The following MPHOSPH6 variants were observed in gnomAD, a reference collection of about 807,000 sequenced individuals.
MPHOSPH6 encodes the protein M-phase phosphoprotein 6.
MPHOSPH6 carries 25 observed loss-of-function variants against 21.8 expected under a neutral mutation model. The ratio of observed to expected loss-of-function variants is 1.15; its 90% confidence interval spans 0.83 to 1.60. The LOEUF (loss-of-function observed/expected upper bound fraction) is 1.60. MPHOSPH6 is among the 40% of genes most tolerant of loss of function. The pLI is 0.00. For missense variants in MPHOSPH6, 269 were observed against 181.8 expected, an observed-to-expected ratio of 1.48 and a Z score of -2.76; for synonymous variants, 84 against 56.5, an observed-to-expected ratio of 1.49 and a Z score of -2.18.
intron 3 of MPHOSPH6, 58 bp from the exon 4 acceptor site, chr16:82,149,461 T>C (rs767966991): frequency 7.6e-6 from 11 of 1,452,180 alleles, no homozygotes; most frequent in Middle Eastern, 1.7e-4. Flanking sequence ...AAGGAACTGA[T>C]GTCAAACTTA....
In MPHOSPH6 at chr16:82,148,812, GTC is replaced by G. The variant is rs750504885; in HGVS notation, c.400_401del (p.Asp134ProfsTer5). The stretch of plus-strand genomic sequence containing the variant: ...TTTCATCTTCTTCATAATTGGCATG[GTC>G]TCTCTTTCTGGCAAACTTTTTCCCA... ...TIGKKFARKRDHANYEEDENG... is the reference protein window; with the variant it reads ...TIGKKFARKRXHANYEEDENG... On this transcript the variant is annotated frameshift_variant, in exon 5 of 5. Coordinates refer to ENST00000258169, the MANE Select transcript of MPHOSPH6 (RefSeq NM_005792.2). LOFTEE classifies it high-confidence loss of function. 83 of 1,613,900 alleles carry G rather than the reference GTC, an allele frequency of 5.1e-5. No homozygotes were observed. Among genetic ancestry groups the G allele is most frequent in the Non-Finnish European group, 6.6e-5 (78 of 1,180,000 alleles).
At chr16:82,161,445 G>A (rs754482497) in intron 2 of MPHOSPH6, among the ~76,000 whole-genome samples, 3 of 151,918 alleles carry the variant, frequency 2.0e-5, no homozygotes, top group Non-Finnish European at 4.4e-5. Flanking sequence ...AACTTGCTAC[G>A]GCAAAGGAGG....
chr16:82,170,155 T>G lies in MPHOSPH6; in HGVS notation c.21A>C (p.Thr7=), dbSNP rs754016292. Residue 7 remains threonine, a synonymous_variant, in exon 1 of 5, where the codon ACA becomes ACC. Coordinates refer to ENST00000258169, the MANE Select transcript of MPHOSPH6 (RefSeq NM_005792.2). MAAERK[T]RLSKNLLRMK... ...TGCGCAGTAGATTCTTGGACAACCT[T>G]GTCTTTCGCTCGGCCGCCATGGTAG... The G allele has an allele frequency of 4.4e-6, 7 of 1,595,364 alleles. No homozygotes were observed. The South Asian group carries it at 7.9e-5, about 18-fold the overall frequency.
chr16:82,162,293 C>G (rs367968664), intron 2 of MPHOSPH6: 20 of 152,216 alleles, frequency 1.3e-4, no homozygotes, highest in Non-Finnish European at 2.4e-4. Context: ...GCTTAATCAA[C>G]CAATCCATTC....
In MPHOSPH6 at chr16:82,148,705, C is replaced by T. The variant is rs376466130; in HGVS notation, c.*26G>A. 2 of 1,612,798 alleles carry T rather than the reference C, an allele frequency of 1.2e-6. No individual in the cohort carries two copies. Among genetic ancestry groups the T allele is most frequent in the Admixed American group, 1.7e-5 (1 of 59,976 alleles). ...CCCTGCTGACTTCCACCAAGCACCC[C>T]TGGGCCATCGCTTAAGGCATCCATC... is the stretch of plus-strand genomic sequence containing the variant. On this transcript the variant is annotated 3_prime_UTR_variant, in exon 5 of 5. Transcript: ENST00000258169.
At position 82,164,087 on chromosome 16, in the gene MPHOSPH6, C is replaced by T; in HGVS notation, c.159G>A (p.Glu53=). Residue 53 remains glutamate, a synonymous_variant, in exon 2 of 5, where the codon GAG becomes GAA. Transcript: ENST00000258169. ...ATCAATTTTAATAAACCTACTCTTT[C>T]TCTTTAAGCTCTGGCAAATCCAAGT... ...HWYLDLPELK[E]KESFIIEEQS... is the part of the protein sequence containing the mutation. 6.2e-7 allele frequency: 1 copy of T among 1,604,396 alleles called. No individual in the cohort carries two copies. Among genetic ancestry groups the T allele is most frequent in the South Asian group, 1.1e-5 (1 of 89,982 alleles).
At chr16:82,153,219 T>C (rs1906323073) in intron 2 of MPHOSPH6, among the ~76,000 whole-genome samples, 2 of 152,194 alleles carry the variant, frequency 1.3e-5, no homozygotes, top group Admixed American at 1.3e-4. Context: ...ATGAAACATT[T>C]ATATCACACA....
chr16:82,158,534 C>A (rs1037404331), intron 2 of MPHOSPH6, among the ~76,000 whole-genome samples: 1 of 146,182 alleles, frequency 6.8e-6, no homozygotes, highest in Non-Finnish European at 1.5e-5. Context: ...GATACTTCAT[C>A]ATAGTCAAAT....
rs756421789 is a variant in MPHOSPH6, at chr16:82,151,490, A to G, written c.189T>C (p.Ser63=). The part of the protein sequence containing the change: ...EKESFIIEEQ[S]FLLCEDLLYG... ...AGAGAAGATCTTCACATAGTAAGAA[A>G]CTCTGCTCTTCTATTATGAAACTCC... The change falls in exon 3 of 5, where the codon AGT becomes AGC. Residue 63 remains serine, a synonymous_variant. Transcript: ENST00000258169. 4 of 1,599,958 alleles carry G rather than the reference A, an allele frequency of 2.5e-6. No homozygotes were observed. Among genetic ancestry groups the G allele is most frequent in the Non-Finnish European group, 3.4e-6 (4 of 1,174,210 alleles).
intron 2 of MPHOSPH6, among the ~76,000 whole-genome samples, chr16:82,157,348 C>A (rs1466575282): frequency 6.6e-6 from 1 of 152,186 alleles, no homozygotes; most frequent in African/African-American, 2.4e-5. Flanking sequence ...TGTTCCAAAA[C>A]AAGGATGAAT....
At chr16:82,155,591 A>C (rs992333848) in intron 2 of MPHOSPH6, among the ~76,000 whole-genome samples, 27 of 152,226 alleles carry the variant, frequency 1.8e-4, no homozygotes, top group African/African-American at 6.5e-4. Flanking sequence ...TAAACAATGC[A>C]ATAAGCAAAG....
Position 82,148,622 on chromosome 16 carries a change from C to A in MPHOSPH6, c.*109G>T. 2 of 1,314,004 alleles carry A rather than the reference C, an allele frequency of 1.5e-6. No individual in the cohort carries two copies. Among genetic ancestry groups the A allele is most frequent in the Non-Finnish European group, 2.1e-6 (2 of 973,024 alleles). The allele number at this position is 1,314,004 out of a possible 1,614,324, so 81.4% of individuals were successfully genotyped here. ...TGTTTCTAAAATGATAATCTCTTTA[C>A]AAGTAAACGTTACAGTATTAATAAC... is the stretch of plus-strand genomic sequence containing the variant. On this transcript the variant is annotated 3_prime_UTR_variant, in exon 5 of 5. Coordinates refer to ENST00000258169, the MANE Select transcript of MPHOSPH6 (RefSeq NM_005792.2).
intron 1 of MPHOSPH6, among the ~76,000 whole-genome samples, chr16:82,168,129 T>A (rs1174369552): frequency 4.4e-5 from 1 of 22,786 alleles, no homozygotes; most frequent in Non-Finnish European, 2.2e-4. Flanking sequence ...GGGGTGGACA[T>A]TTAAGTTAAT....
chr16:82,151,588 A>C, intron 2 of MPHOSPH6, 74 bp from the exon 3 acceptor site: 2 of 1,470,666 alleles, frequency 1.4e-6, no homozygotes, highest in Non-Finnish European at 1.8e-6. Flanking sequence ...TTTGAATAAA[A>C]AAAATAATCA....
intron 2 of MPHOSPH6, among the ~76,000 whole-genome samples, chr16:82,151,831 T>C (rs1006089901): frequency 1.3e-5 from 2 of 152,272 alleles, no homozygotes; most frequent in Non-Finnish European, 2.9e-5. Flanking sequence ...AAGTTTCTTT[T>C]GTGTTTACAT....
chr16:82,169,882 G>C (rs1272219156), intron 1 of MPHOSPH6, among the ~76,000 whole-genome samples: 2 of 152,188 alleles, frequency 1.3e-5, no homozygotes, highest in South Asian at 4.1e-4. Flanking sequence ...GCTGTACCCT[G>C]ACTGCTTCTG....
At chr16:82,166,189 T>C (rs1906773334) in intron 1 of MPHOSPH6, among the ~76,000 whole-genome samples, 1 of 152,224 alleles carries the variant, frequency 6.6e-6, no homozygotes, top group Non-Finnish European at 1.5e-5. Flanking sequence ...CCCTGTACAC[T>C]TTTTGCAACT....
Position 82,164,171 on chromosome 16 carries a change from T to C in MPHOSPH6, c.75A>G (p.Ser25=), listed in dbSNP as rs1285326479. Residue 25 remains serine, a synonymous_variant, in exon 2 of 5, where the codon TCA becomes TCG. Coordinates refer to ENST00000258169, the MANE Select transcript of MPHOSPH6 (RefSeq NM_005792.2). The stretch of plus-strand genomic sequence containing the variant: ...CTTCTTCTAGTTGTTTCTTGGTTTC[T>C]GAGTCCAGTCCCCTTTGCATAAACT... ...RMKFMQRGLD[S]ETKKQLEEEE... 3 of 1,610,902 alleles carry C rather than the reference T, an allele frequency of 1.9e-6. No individual in the cohort carries two copies. The highest frequency in any genetic ancestry group is 2.5e-6 in the Non-Finnish European group (3 of 1,179,710).
intron 3 of MPHOSPH6, 106 bp downstream of exon 3, chr16:82,151,318 A>G (rs1906256815): frequency 6.9e-7 from 1 of 1,447,772 alleles, no homozygotes; most frequent in Non-Finnish European, 9.4e-7. Flanking sequence ...TATTTTCTAT[A>G]TAATGAGTAG....
Sources: allele counts gnomAD v4.1 joint callset (sites outside exome capture counted in the v4.1 genomes callset), GRCh38; gene constraint gnomAD v4.1.1; transcripts MANE v1.5; gene names NCBI Gene and HGNC (gene_info 2026-07-23, HGNC 2026-07-21).